Variants in WWOX observed in about 807,000 individuals in gnomAD.
WWOX encodes WW domain containing oxidoreductase, also known as WW domain-containing oxidoreductase.
A neutral mutation model predicts 46.2 loss-of-function variants in WWOX; 69 were observed. The observed-to-expected ratio is 1.49, with a 90% CI of 1.23 to 1.82. WWOX has a LOEUF of 1.82. Among genes scored for constraint, WWOX ranks in the 40% most tolerant of loss-of-function variants. The pLI is 0.00. For missense variants in WWOX, 919 were observed against 542.6 expected, an observed-to-expected ratio of 1.69 and a Z score of -6.89; for synonymous variants, 359 against 202.6, an observed-to-expected ratio of 1.77 and a Z score of -6.56.
chr16:78,774,721 A>G (rs1028590197), intron 8 of WWOX, among the ~76,000 whole-genome samples: 3 of 151,906 alleles, frequency 2.0e-5, no homozygotes, highest in African/African-American at 7.3e-5. Flanking sequence ...GTCCCCACCC[A>G]ACACACACAC....
intron 8 of WWOX, among the ~76,000 whole-genome samples, chr16:78,529,938 G>A (rs752095365): frequency 1.3e-5 from 2 of 152,204 alleles, no homozygotes; most frequent in Non-Finnish European, 2.9e-5. Context: ...TGGTTTCCGT[G>A]TTGATGAAGC....
chr16:78,506,402 A>G (rs1412423725), intron 8 of WWOX: 1 of 152,314 alleles, frequency 6.6e-6, no homozygotes, highest in Non-Finnish European at 1.5e-5. Flanking sequence ...GACAGAGAAG[A>G]AAAACGAAAG....
chr16:78,654,098 G>T (rs2047027026), intron 8 of WWOX, among the ~76,000 whole-genome samples: 1 of 152,162 alleles, frequency 6.6e-6, no homozygotes, highest in South Asian at 2.1e-4. Flanking sequence ...CTAAATCCAG[G>T]TAGAGAGAAA....
At chr16:78,320,464 T>C (rs912612091) in intron 5 of WWOX, among the ~76,000 whole-genome samples, 4 of 152,176 alleles carry the variant, frequency 2.6e-5, no homozygotes, top group Non-Finnish European at 4.4e-5. Flanking sequence ...CCTAGCTGTT[T>C]CCAGAAATAG....
At chr16:78,792,340 A>G (rs1371241508) in intron 8 of WWOX, among the ~76,000 whole-genome samples, 1 of 152,072 alleles carries the variant, frequency 6.6e-6, no homozygotes, top group Non-Finnish European at 1.5e-5. Context: ...TACTTCCCAC[A>G]TGTATCCTTT....
intron 8 of WWOX, among the ~76,000 whole-genome samples, chr16:78,536,560 C>G (rs2043764175): frequency 6.6e-6 from 1 of 152,048 alleles, no homozygotes; most frequent in Non-Finnish European, 1.5e-5. Flanking sequence ...CTTACATATC[C>G]CAGTGTATAT....
At chr16:78,794,069 A>G (rs1488761285) in intron 8 of WWOX, among the ~76,000 whole-genome samples, 2 of 152,140 alleles carry the variant, frequency 1.3e-5, no homozygotes, top group Admixed American at 1.3e-4. Context: ...TCACCCCAGC[A>G]TTCATTTGTT....
chr16:78,332,140 G>A (rs1022986727), intron 5 of WWOX, among the ~76,000 whole-genome samples: 1 of 152,012 alleles, frequency 6.6e-6, no homozygotes, highest in African/African-American at 2.4e-5. Context: ...ACCTTGTTTT[G>A]TGCCCACCTA....
At chr16:78,983,470 A>C (rs2046722792) in intron 8 of WWOX, among the ~76,000 whole-genome samples, 1 of 152,222 alleles carries the variant, frequency 6.6e-6, no homozygotes. Context: ...TGCCTTTTCT[A>C]ATAGGAAAGA....
intron 8 of WWOX, among the ~76,000 whole-genome samples, chr16:79,062,812 C>T (rs1458707143): frequency 6.6e-6 from 1 of 152,116 alleles, no homozygotes; most frequent in Non-Finnish European, 1.5e-5. Flanking sequence ...GCCCCTTGAA[C>T]AGTGCTTGAG....
chr16:78,626,204 C>T (rs188766246), intron 8 of WWOX, among the ~76,000 whole-genome samples: 1 of 151,846 alleles, frequency 6.6e-6, no homozygotes, highest in Non-Finnish European at 1.5e-5. Context: ...GATCTTGGCT[C>T]ACTGCAACCT....
chr16:79,003,080 C>A (rs550194937), intron 8 of WWOX, among the ~76,000 whole-genome samples: 5 of 152,214 alleles, frequency 3.3e-5, no homozygotes, highest in Non-Finnish European at 7.3e-5. Flanking sequence ...AGACCCCACT[C>A]TTCCCCCTGA....
intron 8 of WWOX, among the ~76,000 whole-genome samples, chr16:78,998,978 G>A (rs1567471988): frequency 6.6e-6 from 1 of 152,218 alleles, no homozygotes; most frequent in Non-Finnish European, 1.5e-5. Context: ...TTCCAGGAAA[G>A]TCCCAGATGT....
At chr16:78,276,797 GA>G (rs1467896140) in intron 5 of WWOX, among the ~76,000 whole-genome samples, 1 of 152,160 alleles carries the variant, frequency 6.6e-6, no homozygotes, top group East Asian at 1.9e-4. Context: ...TTTACTGTCT[GA>G]AAGTTTTAGG....
In WWOX at chr16:78,342,484, C is replaced by T. The variant is rs1243690315; in HGVS notation, c.517-44376C>T. ...GCAGGTTTGCACGTGGCATTTGTTG[C>T]TTCCATCAACATTCCACTGGCGAGA... On this transcript the variant is annotated intron_variant, in intron 5 of 8. Coordinates refer to ENST00000566780, the MANE Select transcript of WWOX (RefSeq NM_016373.4). Among the ~76,000 whole-genome samples the T allele has an allele frequency of 1.7e-5, 2 of 120,010 alleles. 1 individual carries two copies. Among genetic ancestry groups the T allele is most frequent in the Non-Finnish European group, 4.0e-5 (2 of 50,324 alleles). 78.7% of individuals were successfully genotyped at this position (120,010 alleles called of 152,430 possible). A position where few individuals can be genotyped will look rare whatever the true frequency, so the allele number is the denominator to read the frequency against.
intron 8 of WWOX, among the ~76,000 whole-genome samples, chr16:78,904,209 A>G (rs7205288): frequency 0.21 from 30,914 of 147,632 alleles, 7,558 homozygotes; most frequent in African/African-American, 0.6. Context: ...TTGTGATGTC[A>G]TCACTTAGAT....
At chr16:78,762,161 A>C (rs1862643) in intron 8 of WWOX, among the ~76,000 whole-genome samples, 86,363 of 152,048 alleles carry the variant, frequency 0.57, 27,467 homozygotes, top group Non-Finnish European at 0.72. Flanking sequence ...AACCAAGGTC[A>C]AAAGTGGTGA....
chr16:78,722,987 A>G (rs915031045), intron 8 of WWOX, among the ~76,000 whole-genome samples: 1 of 152,148 alleles, frequency 6.6e-6, no homozygotes, highest in African/African-American at 2.4e-5. Context: ...GGCTGCAGTG[A>G]GCCATGATCA....
chr16:79,077,089 A>G (rs918046758), intron 8 of WWOX, among the ~76,000 whole-genome samples: 1 of 152,152 alleles, frequency 6.6e-6, no homozygotes, highest in Non-Finnish European at 1.5e-5. Flanking sequence ...CATAGCAAAA[A>G]GGTGGCCGGA....
Sources: allele counts gnomAD v4.1 joint callset (sites outside exome capture counted in the v4.1 genomes callset), GRCh38; gene constraint gnomAD v4.1.1; transcripts MANE v1.5; gene names NCBI Gene and HGNC (gene_info 2026-07-23, HGNC 2026-07-21).